The following NKAIN3 variants were observed in gnomAD, a reference collection of about 807,000 sequenced individuals.
The protein encoded by NKAIN3 is sodium/potassium-transporting ATPase subunit beta-1-interacting protein 3.
NKAIN3 carries 25 observed loss-of-function variants against 30.2 expected under a neutral mutation model. The ratio of observed to expected loss-of-function variants is 0.83; its 90% confidence interval spans 0.60 to 1.16. The LOEUF (loss-of-function observed/expected upper bound fraction) is 1.16. Among genes scored for constraint, NKAIN3 ranks in the 50% most tolerant of loss-of-function variants. The probability of loss-of-function intolerance (pLI) is 0.00; values close to 1 mark genes in which losing one functional copy is unlikely to be tolerated. For missense variants in NKAIN3, 225 were observed against 254.1 expected (o/e 0.89, Z 0.78); for synonymous variants, 91 against 89.6 (o/e 1.02, Z -0.09).
intron 4 of NKAIN3, among the ~76,000 whole-genome samples, chr8:62,827,659 T>C (rs535440229): frequency 2.6e-5 from 4 of 152,160 alleles, no homozygotes; most frequent in South Asian, 2.1e-4. Context: ...GTAGACCAGA[T>C]AGAAGTCTAC....
intron 1 of NKAIN3, among the ~76,000 whole-genome samples, chr8:62,279,389 C>A (rs572952636): frequency 3.9e-5 from 6 of 152,064 alleles, no homozygotes; most frequent in East Asian, 1.9e-4. Flanking sequence ...AGATTCCATT[C>A]GTCAATTTTG....
intron 1 of NKAIN3, among the ~76,000 whole-genome samples, chr8:62,256,929 C>G (rs1434033333): frequency 6.6e-6 from 1 of 152,118 alleles, no homozygotes; most frequent in Non-Finnish European, 1.5e-5. Context: ...GACGAATGTT[C>G]CTGTTTCTCT....
At position 62,856,159 on chromosome 8, in the gene NKAIN3, C is replaced by G. The variant is rs1164672424; in HGVS notation, c.472-62294C>G. Reference sequence around the variant, plus strand: ...TGAGACTCCCATAGATCTCAGACCTCTTGGTATCACTAGGCAGAAGCAAAC... The same window carrying G: ...TGAGACTCCCATAGATCTCAGACCTGTTGGTATCACTAGGCAGAAGCAAAC... On this transcript the variant is annotated intron_variant, in intron 4 of 6. Transcript: ENST00000623646. 6 of 739,894 alleles carry G rather than the reference C, an allele frequency of 8.1e-6. No individual in the cohort carries two copies. The Admixed American group carries it at 9.2e-5, about 11-fold the overall frequency. The allele number at this position is 739,894 out of a possible 1,614,324, so 45.8% of individuals were successfully genotyped here.
chr8:62,876,213 A>T (rs1394408543), intron 4 of NKAIN3, among the ~76,000 whole-genome samples: 3 of 152,210 alleles, frequency 2.0e-5, no homozygotes, highest in Admixed American at 6.5e-5. Context: ...GCCAACAAAC[A>T]CATAAAAAAA....
chr8:62,415,141 ATGTAT>A (rs1403393593), intron 1 of NKAIN3, among the ~76,000 whole-genome samples: 5 of 141,804 alleles, frequency 3.5e-5, no homozygotes, highest in Non-Finnish European at 7.6e-5. Flanking sequence ...TATAGTATAT[ATGTAT>A]TATATACTAT....
intron 5 of NKAIN3, among the ~76,000 whole-genome samples, chr8:62,935,211 A>C (rs6999604): frequency 1.3e-5 from 2 of 152,088 alleles, no homozygotes; most frequent in African/African-American, 4.8e-5. Context: ...GGGACACAAC[A>C]CTGTTCGGGG....
chr8:62,916,605 C>T (rs74801581), intron 4 of NKAIN3, among the ~76,000 whole-genome samples: 2,011 of 152,216 alleles, frequency 0.013, 14 homozygotes, highest in Non-Finnish European at 0.02. Flanking sequence ...TCTTTTAGCT[C>T]CTCAGAGATA....
intron 1 of NKAIN3, among the ~76,000 whole-genome samples, chr8:62,433,482 T>C (rs540563397): frequency 6.6e-6 from 1 of 152,286 alleles, no homozygotes; most frequent in East Asian, 1.9e-4. Context: ...ATGCCAGATA[T>C]GGGATCTGGG....
chr8:62,279,122 T>C (rs1052798401), intron 1 of NKAIN3, among the ~76,000 whole-genome samples: 9 of 152,246 alleles, frequency 5.9e-5, no homozygotes, highest in African/African-American at 1.7e-4. Flanking sequence ...ATTTCTCTTA[T>C]GACCAGTGAT....
At chr8:62,729,044 A>AAAAAAAAAAAAAAAAAAAAAAAAC (rs1815379867) in intron 3 of NKAIN3, among the ~76,000 whole-genome samples, 1 of 123,480 alleles carries the variant, frequency 8.1e-6, no homozygotes. Context: ...AAAAAACAAA[A>AAAAAAAAAAAAAAAAAAAAAAAAC]AAAAAAAACC....
At chr8:62,503,455 C>T (rs989342269) in intron 1 of NKAIN3, among the ~76,000 whole-genome samples, 1 of 152,126 alleles carries the variant, frequency 6.6e-6, no homozygotes, top group Non-Finnish European at 1.5e-5. Flanking sequence ...TCTTGATAAA[C>T]ATCTTAACAG....
At chr8:62,811,662 G>T (rs1287336378) in intron 4 of NKAIN3, among the ~76,000 whole-genome samples, 1 of 151,880 alleles carries the variant, frequency 6.6e-6, no homozygotes, top group Admixed American at 6.6e-5. Context: ...TCTGCCATCG[G>T]TGTATCCTCT....
At chr8:62,382,221 C>T (rs1273176709) in intron 1 of NKAIN3, among the ~76,000 whole-genome samples, 1 of 151,970 alleles carries the variant, frequency 6.6e-6, no homozygotes, top group East Asian at 1.9e-4. Flanking sequence ...ATTTTGTATA[C>T]AGTAAAGTAA....
intron 1 of NKAIN3, among the ~76,000 whole-genome samples, chr8:62,433,657 G>C (rs148690979): frequency 1.3e-3 from 195 of 152,210 alleles, no homozygotes; most frequent in African/African-American, 4.6e-3. Flanking sequence ...GTTGATGCAA[G>C]AGTAATTGAG....
At chr8:62,850,015 C>A (rs900192488) in intron 4 of NKAIN3, among the ~76,000 whole-genome samples, 3 of 152,030 alleles carry the variant, frequency 2.0e-5, no homozygotes, top group African/African-American at 7.2e-5. Flanking sequence ...TTCTAGATCC[C>A]TGAGGAATCA....
chr8:62,984,452 C>G lies in NKAIN3; in HGVS notation c.*19045C>G, dbSNP rs1824160900. 6.6e-6 allele frequency: 1 copy of G among 152,102 alleles called. No homozygotes were observed. The highest frequency in any genetic ancestry group is 2.1e-4 in the South Asian group (1 of 4,832). 9.4% of individuals were successfully genotyped at this position (152,102 alleles called of 1,614,324 possible). A position where few individuals can be genotyped will look rare whatever the true frequency, so the allele number is the denominator to read the frequency against. Reference sequence around the variant, plus strand: ...AGATTGCTTGCCAGCAAAGATGTCTCTTGATCTTGACACTGGAATTCAATG... The same window carrying G: ...AGATTGCTTGCCAGCAAAGATGTCTGTTGATCTTGACACTGGAATTCAATG... On this transcript the variant is annotated 3_prime_UTR_variant, in exon 7 of 7. Coordinates refer to ENST00000623646, the MANE Select transcript of NKAIN3 (RefSeq NM_001304533.3).
intron 1 of NKAIN3, among the ~76,000 whole-genome samples, chr8:62,360,653 G>T (rs984514593): frequency 6.6e-6 from 1 of 152,084 alleles, no homozygotes; most frequent in Non-Finnish European, 1.5e-5. Context: ...ATTCAGAGTC[G>T]AGTTCAGGTC....
Position 62,600,522 on chromosome 8 carries a change from A to G in NKAIN3, c.273+10728A>G, listed in dbSNP as rs1325657511. 2.0e-5 allele frequency among the ~76,000 whole-genome samples: 3 copies of G among 152,006 alleles called. No individual in the cohort carries two copies. In the East Asian group the frequency reaches 5.8e-4, roughly 29 times the overall value. ...CATCCAGGAGAGGCTAACTTGCTCAAGGCACATAGCAGTAAACTGAGATGT... is the reference window on the plus strand; with the variant it reads ...CATCCAGGAGAGGCTAACTTGCTCAGGGCACATAGCAGTAAACTGAGATGT... On this transcript the variant is annotated intron_variant, in intron 3 of 6. Coordinates refer to ENST00000623646, the MANE Select transcript of NKAIN3 (RefSeq NM_001304533.3).
chr8:62,754,108 T>C (rs977779638), intron 4 of NKAIN3, among the ~76,000 whole-genome samples: 5 of 152,118 alleles, frequency 3.3e-5, no homozygotes, highest in Admixed American at 3.3e-4. Context: ...TATTTGTATA[T>C]TTGATTTGTA....
Sources: gnomAD v4.1 joint callset for allele counts (sites outside exome capture counted in the v4.1 genomes callset) on GRCh38, gnomAD v4.1.1 for gene constraint, MANE v1.5 for transcripts, NCBI Gene and HGNC (gene_info 2026-07-23, HGNC 2026-07-21) for gene names.